The following TMEM171 variants were observed in gnomAD, a reference collection of about 807,000 sequenced individuals.
The protein encoded by TMEM171 is proline-rich protein PRP2.
A neutral mutation model predicts 19.1 loss-of-function variants in TMEM171; 16 were observed. The ratio of observed to expected loss-of-function variants is 0.84; its 90% confidence interval spans 0.57 to 1.27. TMEM171 has a LOEUF of 1.27. Ranked by LOEUF, TMEM171 falls within the 50% of genes most tolerant of loss-of-function variation. The pLI is 0.00. For missense variants in TMEM171, 429 were observed against 412.7 expected (o/e 1.04, Z -0.34); for synonymous variants, 153 against 163.4 (o/e 0.94, Z 0.48).
chr5:73,127,384 A>AAAAAAAATATATAT, intron 2 of TMEM171, among the ~76,000 whole-genome samples: 7 of 81,692 alleles, frequency 8.6e-5, no homozygotes, highest in African/African-American at 4.6e-4. Flanking sequence ...AAAAAAAAAA[A>AAAAAAAATATATAT]ATATATATAT....
chr5:73,124,143 C>A, intron 2 of TMEM171, 130 bp downstream of exon 2: 1 of 768,868 alleles, frequency 1.3e-6, no homozygotes, highest in Non-Finnish European at 2.0e-6. Flanking sequence ...TGTGTGCACA[C>A]GCACACACCC....
In TMEM171 at chr5:73,121,828, C is replaced by T. The variant is rs925532928; in HGVS notation, c.-69+1132C>T. Among the ~76,000 whole-genome samples, 459 of 152,260 alleles carry T rather than the reference C, an allele frequency of 3.0e-3. 2 individuals carry two copies. Among genetic ancestry groups the T allele is most frequent in the African/African-American group, 0.01 (431 of 41,544 alleles). On this transcript the variant is annotated intron_variant, in intron 1 of 3. Coordinates refer to ENST00000454765, the MANE Select transcript of TMEM171 (RefSeq NM_173490.8). ...GGCTTAGGGCCTCAGTCTTGAGTTC[C>T]TTCATGGGACCATGGATGTGAGCGG...
rs530012956 is a variant in TMEM171, at chr5:73,129,491, T to C, written c.782+960T>C. On this transcript the variant is annotated intron_variant, in intron 3 of 3. Coordinates refer to ENST00000454765, the MANE Select transcript of TMEM171 (RefSeq NM_173490.8). ...CCTTTTGTTACTCAGGGGTGGAAAG[T>C]TAGGGTTTTCCTTTCAATTTAGTTC... Among the ~76,000 whole-genome samples, 3 of 152,288 alleles carry C rather than the reference T, an allele frequency of 2.0e-5. No homozygotes were observed. The South Asian group carries it at 6.2e-4, about 32-fold the overall frequency.
Position 73,120,689 on chromosome 5 carries a change from A to G in TMEM171, c.-76A>G. The G allele has an allele frequency of 4.1e-6, 4 of 983,612 alleles. No individual in the cohort carries two copies. Among genetic ancestry groups the G allele is most frequent in the Non-Finnish European group, 4.8e-6 (4 of 829,480 alleles). The allele number at this position is 983,612 out of a possible 1,614,324, so 60.9% of individuals were successfully genotyped here. Reference sequence around the variant, plus strand: ...GCGCGGTCAGCCAGGCGCCGGACCCAGCTTCAGGTAAGCTGCCCCGGCCCG... The same window carrying G: ...GCGCGGTCAGCCAGGCGCCGGACCCGGCTTCAGGTAAGCTGCCCCGGCCCG... On this transcript the variant is annotated 5_prime_UTR_variant, in exon 1 of 4. Coordinates refer to ENST00000454765, the MANE Select transcript of TMEM171 (RefSeq NM_173490.8).
chr5:73,125,296 T>C (rs985528062), intron 2 of TMEM171, among the ~76,000 whole-genome samples: 3 of 152,226 alleles, frequency 2.0e-5, no homozygotes, highest in African/African-American at 7.2e-5. Flanking sequence ...AAGTGCTTTA[T>C]CATGTGCTCT....
intron 3 of TMEM171, among the ~76,000 whole-genome samples, chr5:73,129,911 C>T (rs1227350197): frequency 3.3e-5 from 5 of 152,190 alleles, no homozygotes; most frequent in Non-Finnish European, 7.3e-5. Flanking sequence ...CAATACCCAC[C>T]CCACACAGAA....
At position 73,123,391 on chromosome 5, in the gene TMEM171, T is replaced by A; in HGVS notation, c.18T>A (p.Ala6=). The change falls in exon 2 of 4, where the codon GCT becomes GCA. Residue 6 remains alanine (A), a synonymous_variant. Transcript: ENST00000454765. Reference sequence around the variant, plus strand: ...TCCTGGACATGTCTCCTGCAGCTGCTGCTGAGCCAGATGGGGACCAGCAGG... The same window carrying A: ...TCCTGGACATGTCTCCTGCAGCTGCAGCTGAGCCAGATGGGGACCAGCAGG... MSPAA[A]AEPDGDQQDR... 6.2e-7 allele frequency: 1 copy of A among 1,613,080 alleles called. No individual in the cohort carries two copies. The highest frequency in any genetic ancestry group is 1.1e-5 in the South Asian group (1 of 91,044).
chr5:73,126,594 A>C (rs1014505663), intron 2 of TMEM171, among the ~76,000 whole-genome samples: 40 of 152,188 alleles, frequency 2.6e-4, no homozygotes, highest in South Asian at 2.1e-4. Flanking sequence ...GCCAGATGCA[A>C]ATCAGTCCAT....
intron 2 of TMEM171, among the ~76,000 whole-genome samples, chr5:73,127,383 AAATAT>A (rs1554078602): frequency 0.092 from 9,209 of 100,014 alleles, 503 homozygotes; most frequent in Middle Eastern, 0.12. Flanking sequence ...AAAAAAAAAA[AAATAT>A]ATATATATAT....
At chr5:73,124,866 C>T (rs1446897679) in intron 2 of TMEM171, among the ~76,000 whole-genome samples, 1 of 152,224 alleles carries the variant, frequency 6.6e-6, no homozygotes, top group Admixed American at 6.5e-5. Context: ...CATCGCTGTT[C>T]ATTGGCAGAT....
chr5:73,123,762 G>A lies in TMEM171; in HGVS notation c.389G>A (p.Gly130Asp), dbSNP rs148667371. The A allele has an allele frequency of 1.2e-6, 2 of 1,613,732 alleles. No individual in the cohort carries two copies. Among genetic ancestry groups the A allele is most frequent in the African/African-American group, 2.7e-5 (2 of 74,936 alleles). Residue 130 changes from glycine (G) to aspartate (D), a missense_variant, in exon 2 of 4, where the codon GGC becomes GAC. By Grantham distance (94) the Gly-to-Asp change is moderately conservative. Coordinates refer to ENST00000454765, the MANE Select transcript of TMEM171 (RefSeq NM_173490.8). ...AGCGGCATGCTCATCAGCGTCCTGG[G>A]CATTTGGGTCCCTGGATGTGGCTCC... ...LTSGMLISVL[G>D]IWVPGCGSNW...
chr5:73,131,250 T>C (rs1744346769), intron 3 of TMEM171, among the ~76,000 whole-genome samples: 1 of 152,144 alleles, frequency 6.6e-6, no homozygotes, highest in African/African-American at 2.4e-5. Context: ...TGTGTGTGTC[T>C]ATGTTCTCTT....
At chr5:73,124,139 C>T (rs901837148) in intron 2 of TMEM171, 126 bp downstream of exon 2, 3 of 795,754 alleles carry the variant, frequency 3.8e-6, no homozygotes, top group Non-Finnish European at 5.8e-6. Flanking sequence ...CATGTGTGTG[C>T]ACACGCACAC....
At chr5:73,127,456 A>C (rs1744204266) in intron 2 of TMEM171, among the ~76,000 whole-genome samples, 1 of 146,488 alleles carries the variant, frequency 6.8e-6, no homozygotes. Context: ...TTTTGTTTTG[A>C]AACAGAATCT....
chr5:73,130,745 T>G (rs1744329589), intron 3 of TMEM171, among the ~76,000 whole-genome samples: 1 of 152,106 alleles, frequency 6.6e-6, no homozygotes. Flanking sequence ...GAGGTGCATG[T>G]GGGAACGGCC....
rs1744068357 is a variant in TMEM171, at chr5:73,123,626, C to G, written c.253C>G (p.Leu85Val). Residue 85 changes from leucine to valine, a missense_variant, in exon 2 of 4, where the codon CTC becomes GTC. Coordinates refer to ENST00000454765, the MANE Select transcript of TMEM171 (RefSeq NM_173490.8). ...GGCCCGCTCCCGGGCGCAACTTCAG[C>G]TCCGTGCAGGGCTGCAGAGAGGTCA... ...ILARSRAQLQ[L>V]RAGLQRGQQM... is the part of the protein sequence containing the mutation. 2 of 1,614,252 alleles carry G rather than the reference C, an allele frequency of 1.2e-6. No homozygotes were observed. The highest frequency in any genetic ancestry group is 2.7e-5 in the African/African-American group (2 of 75,074).
chr5:73,130,851 C>T (rs1744335910), intron 3 of TMEM171, among the ~76,000 whole-genome samples: 1 of 152,092 alleles, frequency 6.6e-6, no homozygotes, highest in Non-Finnish European at 1.5e-5. Flanking sequence ...CTTCCCCAAA[C>T]CCTAAAATCA....
At chr5:73,130,954 C>G (rs1484187374) in intron 3 of TMEM171, among the ~76,000 whole-genome samples, 1 of 152,044 alleles carries the variant, frequency 6.6e-6, no homozygotes, top group Non-Finnish European at 1.5e-5. Context: ...ACTCCCATAT[C>G]CAGTCTAGGA....
Position 73,123,954 on chromosome 5 carries a change from A to G in TMEM171, c.581A>G (p.Asp194Gly). ...KKRNTLNAGQ[D>G]ASEREEGQIQ... ...AGAAACACGCTGAATGCTGGCCAGG[A>G]TGCCTCTGAGAGAGAAGAGGGACAG... is the stretch of plus-strand genomic sequence containing the variant. Residue 194 changes from aspartate (D) to glycine (G), a missense_variant, in exon 2 of 4, where the codon GAT (aspartate) becomes GGT (glycine). Physicochemically the swap from Asp to Gly is moderately conservative, Grantham distance 94 (BLOSUM62 -1). Coordinates refer to ENST00000454765, the MANE Select transcript of TMEM171 (RefSeq NM_173490.8). 6.2e-7 allele frequency: 1 copy of G among 1,608,172 alleles called. No individual in the cohort carries two copies. Among genetic ancestry groups the G allele is most frequent in the South Asian group, 1.1e-5 (1 of 90,030 alleles).
Sources: allele counts gnomAD v4.1 joint callset (sites outside exome capture counted in the v4.1 genomes callset), GRCh38; gene constraint gnomAD v4.1.1; transcripts MANE v1.5; gene names NCBI Gene and HGNC (gene_info 2026-07-23, HGNC 2026-07-21).